Variants in AGBL3 observed in about 807,000 individuals in gnomAD.
The protein encoded by AGBL3 is cytosolic carboxypeptidase 3.
Under a neutral mutation model 94.5 loss-of-function variants are expected in AGBL3, and 68 were observed. The observed-to-expected ratio is 0.72, with a 90% CI of 0.59 to 0.88. The LOEUF (loss-of-function observed/expected upper bound fraction) is 0.88, where lower values mean the gene tolerates loss of function less well. Ranked by LOEUF, AGBL3 falls within the 40% of genes least tolerant of loss-of-function variation. AGBL3 has a pLI of 0.00. For missense variants in AGBL3, 934 were observed against 1,103.8 expected, an observed-to-expected ratio of 0.85 and a Z score of 2.18; for synonymous variants, 354 against 370.7, an observed-to-expected ratio of 0.95 and a Z score of 0.52.
chr7:135,073,808 G>A (rs1465047979), intron 12 of AGBL3, among the ~76,000 whole-genome samples: 1 of 152,100 alleles, frequency 6.6e-6, no homozygotes, highest in Non-Finnish European at 1.5e-5. Flanking sequence ...CCTTTTTTAT[G>A]CAAATAAGCG....
chr7:135,031,736 A>G (rs1170771964), intron 5 of AGBL3, among the ~76,000 whole-genome samples: 3 of 152,162 alleles, frequency 2.0e-5, no homozygotes, highest in Non-Finnish European at 4.4e-5. Flanking sequence ...TATGCCTAAG[A>G]TGCAGCCTTT....
At chr7:135,115,326 G>T (rs1387368865) in intron 15 of AGBL3, 54 bp from the exon 16 acceptor site, 1 of 1,184,890 alleles carries the variant, frequency 8.4e-7, no homozygotes, top group African/African-American at 1.6e-5. Context: ...TGCCCAATAA[G>T]TAATTGTGAA....
chr7:135,072,005 T>C (rs1320522051), intron 12 of AGBL3, among the ~76,000 whole-genome samples: 1 of 152,162 alleles, frequency 6.6e-6, no homozygotes, highest in African/African-American at 2.4e-5. Flanking sequence ...ATTTTTGCAA[T>C]CTAGTCATCT....
chr7:135,023,623 A>G (rs1461416072), intron 5 of AGBL3, among the ~76,000 whole-genome samples: 28 of 152,278 alleles, frequency 1.8e-4, no homozygotes, highest in Admixed American at 1.3e-3. Context: ...ATAGGTGCCC[A>G]TCTTCTAATA....
At chr7:135,022,303 A>C (rs1365731017) in intron 5 of AGBL3, among the ~76,000 whole-genome samples, 1 of 152,154 alleles carries the variant, frequency 6.6e-6, no homozygotes, top group African/African-American at 2.4e-5. Flanking sequence ...ACGTGTTTCT[A>C]TTCTCCGCAG....
intron 4 of AGBL3, among the ~76,000 whole-genome samples, chr7:135,003,956 T>G (rs2133424258): frequency 6.6e-6 from 1 of 151,676 alleles, no homozygotes; most frequent in Non-Finnish European, 1.5e-5. Context: ...TTGTACTAAA[T>G]GCATTTACTG....
intron 12 of AGBL3, among the ~76,000 whole-genome samples, chr7:135,059,743 G>A (rs1453524153): frequency 6.6e-6 from 1 of 152,164 alleles, no homozygotes; most frequent in African/African-American, 2.4e-5. Context: ...TAAAGCAGGA[G>A]CGGGAATAAA....
At position 135,046,708 on chromosome 7, in the gene AGBL3, A is replaced by G. The variant is rs762375012; in HGVS notation, c.1841+797A>G. Among the ~76,000 whole-genome samples the G allele has an allele frequency of 5.9e-5, 9 of 152,176 alleles. No homozygotes were observed. In the South Asian group the frequency reaches 1.0e-3, roughly 18 times the overall value. On this transcript the variant is annotated intron_variant, in intron 11 of 16. Transcript: ENST00000436302. ...ATTGTCTGAATGTACCACAGTTTAT[A>G]TATCAGTTTACCTACTGAAGGACAT...
At chr7:135,075,417 C>A (rs565717090) in intron 12 of AGBL3, among the ~76,000 whole-genome samples, 10 of 152,250 alleles carry the variant, frequency 6.6e-5, no homozygotes, top group African/African-American at 2.4e-4. Flanking sequence ...TCCATAGTTT[C>A]TTCCTTTTTA....
At chr7:135,075,592 G>A (rs1820370563) in intron 12 of AGBL3, among the ~76,000 whole-genome samples, 1 of 152,180 alleles carries the variant, frequency 6.6e-6, no homozygotes. Flanking sequence ...AAACCCAGGA[G>A]TTCAATTGGT....
intron 15 of AGBL3, among the ~76,000 whole-genome samples, chr7:135,111,234 T>C (rs6962111): frequency 0.15 from 22,458 of 152,220 alleles, 1,711 homozygotes; most frequent in Middle Eastern, 0.3. Flanking sequence ...CTAGATCCCA[T>C]GTCCATCAAT....
chr7:135,030,036 C>A (rs1236978095), intron 5 of AGBL3, among the ~76,000 whole-genome samples: 2 of 151,152 alleles, frequency 1.3e-5, no homozygotes, highest in South Asian at 2.1e-4. Flanking sequence ...TAATAGATAT[C>A]ATAATAATGA....
Position 135,034,670 on chromosome 7 carries a change from C to A in AGBL3, c.1079C>A (p.Thr360Asn), listed in dbSNP as rs17804854. The change falls in exon 7 of 17, where the codon ACT (threonine) becomes AAT (asparagine). Residue 360 changes from threonine (T) to asparagine (N), a missense_variant. Around this residue, in one of 3 missense-constraint regions of AGBL3, gnomAD observed 488 missense variants for 563.6 expected, o/e 0.87. Transcript: ENST00000436302. ...DSRKRKAVILTARVHPGETNS... is the reference protein window; with the variant it reads ...DSRKRKAVILNARVHPGETNS... ...AGAAAGCGGAAGGCTGTGATTCTGA[C>A]TGCAAGGGTCCATCCAGGGGAAACC... is the stretch of plus-strand genomic sequence containing the variant. 2 of 1,551,476 alleles carry A rather than the reference C, an allele frequency of 1.3e-6. No individual in the cohort carries two copies. Among genetic ancestry groups the A allele is most frequent in the East Asian group, 4.9e-5 (2 of 40,932 alleles).
At chr7:135,100,039 C>G (rs1397989557) in intron 15 of AGBL3, 1 of 152,184 alleles carries the variant, frequency 6.6e-6, no homozygotes, top group Non-Finnish European at 1.5e-5. Context: ...AGGCACCCGC[C>G]ACCATACCTG....
intron 16 of AGBL3, among the ~76,000 whole-genome samples, chr7:135,119,831 C>T (rs779417740): frequency 6.6e-6 from 1 of 152,054 alleles, no homozygotes; most frequent in Non-Finnish European, 1.5e-5. Context: ...GAGCCAAGAT[C>T]GTGCCACTGC....
At chr7:135,099,208 C>T (rs1823386058) in intron 15 of AGBL3, among the ~76,000 whole-genome samples, 1 of 151,906 alleles carries the variant, frequency 6.6e-6, no homozygotes, top group African/African-American at 2.4e-5. Flanking sequence ...TGTTGGTTAC[C>T]TTAGTGTACC....
intron 13 of AGBL3, among the ~76,000 whole-genome samples, chr7:135,078,184 G>C (rs967083256): frequency 2.6e-5 from 4 of 152,200 alleles, no homozygotes; most frequent in African/African-American, 9.6e-5. Flanking sequence ...GACTGGATTA[G>C]TCTGAAGAGC....
chr7:135,066,367 A>T (rs1325544741), intron 12 of AGBL3, among the ~76,000 whole-genome samples: 1 of 152,236 alleles, frequency 6.6e-6, no homozygotes, highest in African/African-American at 2.4e-5. Context: ...GCCAACAATT[A>T]TATGAAAAGT....
At chr7:135,073,412 A>G (rs990427882) in intron 12 of AGBL3, among the ~76,000 whole-genome samples, 6 of 152,116 alleles carry the variant, frequency 3.9e-5, no homozygotes, top group Admixed American at 3.9e-4. Context: ...TGCAGGTTGC[A>G]GTGAGTTGAG....
Sources: allele counts gnomAD v4.1 joint callset (sites outside exome capture counted in the v4.1 genomes callset), GRCh38; gene constraint gnomAD v4.1.1; regional missense constraint gnomAD v4.1.1; transcripts MANE v1.5; gene names NCBI Gene and HGNC (gene_info 2026-07-23, HGNC 2026-07-21).